Variants in ATXN7L2 observed in about 807,000 individuals in gnomAD.
ATXN7L2 encodes ataxin 7 like 2, also known as ataxin-7-like protein 2.
In ATXN7L2, 17 loss-of-function variants were observed where a neutral mutation model predicts 59.6. The observed-to-expected ratio is 0.29, with a 90% CI of 0.20 to 0.43. The LOEUF is 0.43. ATXN7L2 is among the 20% of genes least tolerant of loss of function. The pLI is 1.00. For missense variants in ATXN7L2, 858 were observed against 1,008.9 expected (o/e 0.85, Z 2.03); for synonymous variants, 378 against 392.5 (o/e 0.96, Z 0.44).
chr1:109,484,022 C>T lies in ATXN7L2; in HGVS notation c.69C>T (p.Asp23=), dbSNP rs376463281. ...AGCGGCGGGTGCCGAGTCTCGATGACTTCGCGGGACAGAGCTGGAGCTCGT... is the reference window on the plus strand; with the variant it reads ...AGCGGCGGGTGCCGAGTCTCGATGATTTCGCGGGACAGAGCTGGAGCTCGT... ...ALERRVPSLD[D]FAGQSWSSWV... The change falls in exon 1 of 11, where the codon GAC becomes GAT. Residue 23 remains aspartate, a synonymous_variant. Coordinates refer to ENST00000683729, the MANE Select transcript of ATXN7L2 (RefSeq NM_001350175.2). 173 of 1,454,138 alleles carry T rather than the reference C, an allele frequency of 1.2e-4. No individual in the cohort carries two copies. Among genetic ancestry groups the T allele is most frequent in the Non-Finnish European group, 1.5e-4 (166 of 1,096,056 alleles). 90.1% of individuals were successfully genotyped at this position (1,454,138 alleles called of 1,614,324 possible).
Position 109,490,290 on chromosome 1 carries a change from G to A in ATXN7L2, c.1352G>A (p.Arg451Gln). 6.2e-7 allele frequency: 1 copy of A among 1,613,856 alleles called. No homozygotes were observed. Among genetic ancestry groups the A allele is most frequent in the Non-Finnish European group, 8.5e-7 (1 of 1,180,024 alleles). ...CTTTAGTTCTGCACCTTTGGGAGCC[G>A]GCTGGTGAGCCCAGGATGCTATGTG... ...RPQAFCTFGS[R>Q]LVSPGCYVFS... The change falls in exon 9 of 11, where the codon CGG (arginine) becomes CAG (glutamine). Residue 451 changes from arginine (R) to glutamine (Q), a missense_variant. By Grantham distance (43) the Arg-to-Gln change is conservative. This residue lies in a region of ATXN7L2 where 734 missense variants were observed against 862.3 expected (regional missense o/e 0.85). Transcript: ENST00000683729.
rs532208041 is a variant in ATXN7L2, at chr1:109,489,225, T to C, written c.1133+125T>C. ...ACTCCCTCAGCCCTGAGTGTGGGGG[T>C]ATTCCTGGGGCTCCTGACAGTGGTG... is the stretch of plus-strand genomic sequence containing the variant. On this transcript the variant is annotated intron_variant, in intron 7 of 10. Coordinates refer to ENST00000683729, the MANE Select transcript of ATXN7L2 (RefSeq NM_001350175.2). 3 of 1,294,514 alleles carry C rather than the reference T, an allele frequency of 2.3e-6. No homozygotes were observed. The African/African-American group carries it at 4.5e-5, about 19-fold the overall frequency. The allele number at this position is 1,294,514 out of a possible 1,614,324, so 80.2% of individuals were successfully genotyped here. A position where few individuals can be genotyped will look rare whatever the true frequency, so the allele number is the denominator to read the frequency against.
rs1656576509 is a variant in ATXN7L2 at position 109,486,267 on chromosome 1, T to G, written c.193+145T>G. ...ATAGGTCCGAGTCGGCCGGTTGTTCTGGCTCCTGTGACCTGTCGTTGGAGA... is the reference window on the plus strand; with the variant it reads ...ATAGGTCCGAGTCGGCCGGTTGTTCGGGCTCCTGTGACCTGTCGTTGGAGA... On this transcript the variant is annotated intron_variant, in intron 2 of 10. Coordinates refer to ENST00000683729, the MANE Select transcript of ATXN7L2 (RefSeq NM_001350175.2). This position sits in a 1 kb window ranked among gnomAD's most constrained non-coding sequence, Gnocchi z 4.3. 1.6e-6 allele frequency: 2 copies of G among 1,288,332 alleles called. No homozygotes were observed. Among genetic ancestry groups the G allele is most frequent in the Non-Finnish European group, 2.1e-6 (2 of 960,842 alleles). The allele number at this position is 1,288,332 out of a possible 1,614,324, so 79.8% of individuals were successfully genotyped here.
At position 109,490,967 on chromosome 1, in the gene ATXN7L2, CCCG is replaced by C; in HGVS notation, c.1501_1503del (p.Pro501del). On this transcript the variant is annotated inframe_deletion, in exon 10 of 11. Transcript: ENST00000683729. ...AACCTCCAGCTCACCTTGTCAACTC[CCCG>C]TTATCTGCTCCCCTGAGCCCATCCT... 6.3e-7 allele frequency: 1 copy of C among 1,592,906 alleles called. No individual in the cohort carries two copies. The highest frequency in any genetic ancestry group is 8.6e-7 in the Non-Finnish European group (1 of 1,168,184).
chr1:109,491,390 G>A lies in ATXN7L2; in HGVS notation c.1923G>A (p.Leu641=), dbSNP rs763458579. The part of the protein sequence containing the change: ...RGLSAKTKTA[L]SMGLNGTMGP... ...TCTCGGCCAAAACTAAAACAGCCCT[G>A]AGCATGGGGCTTAATGGGACAATGG... The change falls in exon 10 of 11, where the codon CTG becomes CTA. Residue 641 remains leucine, a synonymous_variant. Transcript: ENST00000683729. The surrounding 1 kb of genome is among the most constrained non-coding windows in gnomAD (Gnocchi z 4.1). The A allele has an allele frequency of 6.2e-7, 1 of 1,614,262 alleles. No individual in the cohort carries two copies. The highest frequency in any genetic ancestry group is 1.1e-5 in the South Asian group (1 of 91,092).
chr1:109,486,407 G>A lies in ATXN7L2; in HGVS notation c.194-99G>A, dbSNP rs757646566. ...ATGGAGCTTGTTATATCAGCGGGGA[G>A]GTGAAGTGCCTTCTGAGTGTGGGGT... On this transcript the variant is annotated intron_variant, in intron 2 of 10. Coordinates refer to ENST00000683729, the MANE Select transcript of ATXN7L2 (RefSeq NM_001350175.2). This position sits in a 1 kb window ranked among gnomAD's most constrained non-coding sequence, Gnocchi z 4.3. 1.1e-5 allele frequency: 12 copies of A among 1,070,994 alleles called. No individual in the cohort carries two copies. The highest frequency in any genetic ancestry group is 1.6e-5 in the Non-Finnish European group (12 of 730,760). 66.3% of individuals were successfully genotyped at this position (1,070,994 alleles called of 1,614,324 possible).
rs777514291 is a variant in ATXN7L2, at chr1:109,484,077, G to A, written c.124G>A (p.Asp42Asn). Residue 42 changes from aspartate (D) to asparagine (N), a missense_variant, in exon 1 of 11, where the codon GAC becomes AAC. Physicochemically the swap from Asp to Asn is conservative, Grantham distance 23. Coordinates refer to ENST00000683729, the MANE Select transcript of ATXN7L2 (RefSeq NM_001350175.2). ...GGAGCGGGCCGACCTGCCCGCGGCT[G>A]ACGGTGAGTAAAGCCACCCTAAAGT... The part of the protein sequence containing the change: ...WVERADLPAA[D>N]GAELEESSKN... 1.5e-5 allele frequency: 23 copies of A among 1,515,544 alleles called. No homozygotes were observed. The highest frequency in any genetic ancestry group is 4.1e-5 in the Admixed American group (2 of 48,760). The allele number at this position is 1,515,544 out of a possible 1,614,324, so 93.9% of individuals were successfully genotyped here.
In ATXN7L2 at chr1:109,491,888, T is replaced by C; in HGVS notation, c.2250+171T>C. The C allele has an allele frequency of 8.4e-7, 1 of 1,186,490 alleles. No individual in the cohort carries two copies. 73.5% of individuals were successfully genotyped at this position (1,186,490 alleles called of 1,614,324 possible). A position where few individuals can be genotyped will look rare whatever the true frequency, so the allele number is the denominator to read the frequency against. ...GTAGGTCAGTTCTTAGCAAAGTGAC[T>C]CCAGCTTTTTGCCTGGTGAACCTTC... On this transcript the variant is annotated intron_variant, in intron 10 of 10. Coordinates refer to ENST00000683729, the MANE Select transcript of ATXN7L2 (RefSeq NM_001350175.2). This position sits in a 1 kb window ranked among gnomAD's most constrained non-coding sequence, Gnocchi z 4.1.
chr1:109,490,531 G>C (rs1404633554), intron 9 of ATXN7L2, 139 bp downstream of exon 9: 8 of 1,278,722 alleles, frequency 6.3e-6, no homozygotes, highest in Non-Finnish European at 8.4e-6. Context: ...CCCCAGATAG[G>C]GAGTAGCATG....
At chr1:109,492,784 T>G, downstream of ATXN7L2, 1 of 735,930 alleles carries the variant, frequency 1.4e-6, no homozygotes, top group South Asian at 2.4e-5. Flanking sequence ...AACAGAAACA[T>G]AGAAAAGGAA....
At position 109,486,670 on chromosome 1, in the gene ATXN7L2, A is replaced by G; in HGVS notation, c.298+60A>G. On this transcript the variant is annotated intron_variant, in intron 3 of 10. Transcript: ENST00000683729. The surrounding 1 kb of genome is among the most constrained non-coding windows in gnomAD (Gnocchi z 4.3). ...GGGGAAGGTGGAGCATGGAACTCTGAGGACAGGGTCAGTTGGGAGGTCTCG... is the reference window on the plus strand; with the variant it reads ...GGGGAAGGTGGAGCATGGAACTCTGGGGACAGGGTCAGTTGGGAGGTCTCG... The G allele has an allele frequency of 6.9e-7, 1 of 1,445,222 alleles. No individual in the cohort carries two copies. Among genetic ancestry groups the G allele is most frequent in the Non-Finnish European group, 9.7e-7 (1 of 1,032,454 alleles). The allele number at this position is 1,445,222 out of a possible 1,614,324, so 89.5% of individuals were successfully genotyped here.
At chr1:109,484,748 T>C (rs1050361732) in intron 1 of ATXN7L2, among the ~76,000 whole-genome samples, 9 of 152,178 alleles carry the variant, frequency 5.9e-5, no homozygotes, top group Admixed American at 3.9e-4. Context: ...TCTTCTGATC[T>C]TTGTCTTCTG....
At chr1:109,484,172 G>A in intron 1 of ATXN7L2, 92 bp downstream of exon 1, 1 of 1,211,182 alleles carries the variant, frequency 8.3e-7, no homozygotes, top group Non-Finnish European at 1.0e-6. Context: ...CCGCCGACTG[G>A]AGCCGCCGTC....
intron 1 of ATXN7L2, 38 bp downstream of exon 1, chr1:109,484,118 C>T (rs774242870): frequency 4.2e-6 from 6 of 1,441,678 alleles, no homozygotes; most frequent in African/African-American, 2.9e-5. Flanking sequence ...GACCCCATCA[C>T]TATCTCCCCT....
Position 109,486,469 on chromosome 1 carries a change from T to A in ATXN7L2, c.194-37T>A. On this transcript the variant is annotated intron_variant, in intron 2 of 10. Transcript: ENST00000683729. This position sits in a 1 kb window ranked among gnomAD's most constrained non-coding sequence, Gnocchi z 4.3. ...CCGATCTTCCAGAGAAACCCTGGGATCTTCAGCCCCAGTGACATGGGCTTC... is the reference window on the plus strand; with the variant it reads ...CCGATCTTCCAGAGAAACCCTGGGAACTTCAGCCCCAGTGACATGGGCTTC... The A allele has an allele frequency of 6.4e-7, 1 of 1,553,086 alleles. No individual in the cohort carries two copies. The highest frequency in any genetic ancestry group is 1.7e-5 in the Admixed American group (1 of 58,678).
Position 109,490,028 on chromosome 1 carries a change from C to T in ATXN7L2, c.1232C>T (p.Thr411Ile). ...LFPFPMPRGGTQASSEESEEE... is the reference protein window; with the variant it reads ...LFPFPMPRGGIQASSEESEEE... Reference sequence around the variant, plus strand: ...CCCTTCCCCATGCCCCGGGGTGGGACCCAGGCCTCCAGCGAAGAGAGTGAG... The same window carrying T: ...CCCTTCCCCATGCCCCGGGGTGGGATCCAGGCCTCCAGCGAAGAGAGTGAG... Residue 411 changes from threonine to isoleucine, a missense_variant, in exon 8 of 11, where the codon ACC becomes ATC. Coordinates refer to ENST00000683729, the MANE Select transcript of ATXN7L2 (RefSeq NM_001350175.2). 2 of 1,612,518 alleles carry T rather than the reference C, an allele frequency of 1.2e-6. No individual in the cohort carries two copies. The highest frequency in any genetic ancestry group is 1.1e-5 in the South Asian group (1 of 91,030).
Position 109,491,588 on chromosome 1 carries a change from G to A in ATXN7L2, c.2121G>A (p.Leu707=), listed in dbSNP as rs752033397. The stretch of plus-strand genomic sequence containing the variant: ...AGGTGGCCAAGAAGCGGAAAAACCT[G>A]GCCACTTATTGCCGGCCAGTGAAGG... ...EEEVAKKRKN[L]ATYCRPVKAK... The change falls in exon 10 of 11, where the codon CTG becomes CTA. Residue 707 remains leucine, a synonymous_variant. Transcript: ENST00000683729. This position sits in a 1 kb window ranked among gnomAD's most constrained non-coding sequence, Gnocchi z 4.1. 2 of 1,613,904 alleles carry A rather than the reference G, an allele frequency of 1.2e-6. No individual in the cohort carries two copies. The highest frequency in any genetic ancestry group is 2.2e-5 in the South Asian group (2 of 91,088).
In ATXN7L2 at chr1:109,491,542, C is replaced by T. The variant is rs774805295; in HGVS notation, c.2075C>T (p.Thr692Ile). 3.8e-5 allele frequency: 62 copies of T among 1,613,902 alleles called. No homozygotes were observed. The highest frequency in any genetic ancestry group is 4.8e-5 in the Non-Finnish European group (57 of 1,180,052). Residue 692 changes from threonine to isoleucine, a missense_variant, in exon 10 of 11, where the codon ACC becomes ATC. Physicochemically the swap from Thr to Ile is moderately conservative, Grantham distance 89. Transcript: ENST00000683729. This position sits in a 1 kb window ranked among gnomAD's most constrained non-coding sequence, Gnocchi z 4.1. ...AAGHPAKALP[T>I]NCLSEEEVAK... ...GGACACCCAGCCAAGGCCCTGCCAA[C>T]CAACTGCCTCTCTGAGGAGGAGGTG...
At chr1:109,489,332 A>G in intron 7 of ATXN7L2, 1 of 580,662 alleles carries the variant, frequency 1.7e-6, no homozygotes, top group Non-Finnish European at 3.0e-6. Context: ...TCCAACACTC[A>G]GGATATGAAC....
Sources: gnomAD v4.1 joint callset for allele counts (sites outside exome capture counted in the v4.1 genomes callset) on GRCh38, gnomAD v4.1.1 for gene constraint, gnomAD v4.1.1 regional missense constraint, Gnocchi (gnomAD v3.1) non-coding constraint, MANE v1.5 for transcripts, NCBI Gene and HGNC (gene_info 2026-07-23, HGNC 2026-07-21) for gene names.